NRG3: variants seen among roughly 807,000 people sequenced by gnomAD.
NRG3 encodes pro-neuregulin-3, membrane-bound isoform.
NRG3 carries 31 observed loss-of-function variants against 66.9 expected under a neutral mutation model. The observed-to-expected ratio is 0.46, with a 90% CI of 0.35 to 0.63. The LOEUF (loss-of-function observed/expected upper bound fraction) is 0.63. NRG3 is among the 20% of genes least tolerant of loss of function. The pLI is 0.00. For synonymous variants in NRG3, 393 were observed against 359.4 expected (o/e 1.09, Z -1.06); for missense variants, 910 against 878.9 (o/e 1.04, Z -0.45).
chr10:82,559,892 T>C (rs1187061732), intron 2 of NRG3, among the ~76,000 whole-genome samples: 1 of 152,146 alleles, frequency 6.6e-6, no homozygotes, highest in Non-Finnish European at 1.5e-5. Flanking sequence ...TCTTGAGGCC[T>C]AAATATAAAG....
chr10:82,709,713 C>T (rs541671562), intron 2 of NRG3, among the ~76,000 whole-genome samples: 6 of 152,248 alleles, frequency 3.9e-5, no homozygotes, highest in Non-Finnish European at 8.8e-5. Flanking sequence ...CCATGTCCCA[C>T]TAGTTGCAAG....
intron 4 of NRG3, among the ~76,000 whole-genome samples, chr10:82,938,520 C>G (rs1848293970): frequency 6.6e-6 from 1 of 152,256 alleles, no homozygotes; most frequent in Non-Finnish European, 1.5e-5. Context: ...GCCTGCGCAC[C>G]TATGCAAAGA....
chr10:82,700,498 C>A lies in NRG3; in HGVS notation c.954-38079C>A, dbSNP rs80046859. Among the ~76,000 whole-genome samples the A allele has an allele frequency of 2.0e-5, 3 of 152,206 alleles. No individual in the cohort carries two copies. In the South Asian group the frequency reaches 6.2e-4, roughly 32 times the overall value. On this transcript the variant is annotated intron_variant, in intron 2 of 8. Transcript: ENST00000372141. ...TTCAAAATGAAGAAAAGAATTGCAG[C>A]TAGGTTTTGACAGAGCCTGTTGAGA...
intron 1 of NRG3, among the ~76,000 whole-genome samples, chr10:81,936,463 C>A (rs777388319): frequency 3.9e-5 from 6 of 151,930 alleles, no homozygotes; most frequent in Non-Finnish European, 7.4e-5. Flanking sequence ...TGACTGTATT[C>A]TGATAACTGT....
chr10:82,521,572 C>T (rs1258777405), intron 2 of NRG3, among the ~76,000 whole-genome samples: 2 of 152,108 alleles, frequency 1.3e-5, no homozygotes, highest in Non-Finnish European at 2.9e-5. Context: ...AATCTCCTGA[C>T]CTCGTGATCC....
chr10:82,213,359 A>G (rs2075498977), intron 1 of NRG3, among the ~76,000 whole-genome samples: 1 of 152,216 alleles, frequency 6.6e-6, no homozygotes, highest in Admixed American at 6.5e-5. Context: ...ATCTGACCTC[A>G]TAGTCAAAAC....
At chr10:82,032,723 G>A (rs10736172) in intron 1 of NRG3, among the ~76,000 whole-genome samples, 1 of 151,878 alleles carries the variant, frequency 6.6e-6, no homozygotes, top group African/African-American at 2.4e-5. Context: ...CACATTGTGC[G>A]TTAACTTTGA....
chr10:82,218,109 G>A (rs1165301828), intron 1 of NRG3, among the ~76,000 whole-genome samples: 2 of 152,010 alleles, frequency 1.3e-5, no homozygotes, highest in African/African-American at 4.8e-5. Flanking sequence ...TGAATGAGTC[G>A]ATCCTGTGTT....
chr10:81,900,800 A>G (rs1285217208), intron 1 of NRG3, among the ~76,000 whole-genome samples: 1 of 152,208 alleles, frequency 6.6e-6, no homozygotes, highest in Non-Finnish European at 1.5e-5. Flanking sequence ...TATTCAGGGC[A>G]TTTGTTATTA....
At chr10:82,164,071 C>A (rs1248899889) in intron 1 of NRG3, among the ~76,000 whole-genome samples, 3 of 151,908 alleles carry the variant, frequency 2.0e-5, no homozygotes, top group South Asian at 2.1e-4. Context: ...CAGGCATGCA[C>A]CACCATGTCT....
At chr10:82,778,701 T>C (rs1446197590) in intron 3 of NRG3, among the ~76,000 whole-genome samples, 3 of 152,132 alleles carry the variant, frequency 2.0e-5, no homozygotes, top group Non-Finnish European at 2.9e-5. Context: ...AAGTATGGCT[T>C]CTTGGCTGGG....
chr10:82,021,822 G>A (rs1415367558), intron 1 of NRG3, among the ~76,000 whole-genome samples: 1 of 110,382 alleles, frequency 9.1e-6, no homozygotes, highest in South Asian at 2.8e-4. Flanking sequence ...GTGTGTGTGT[G>A]TGTGTGTGTG....
chr10:82,492,293 T>C (rs1307089893), intron 2 of NRG3, among the ~76,000 whole-genome samples: 1 of 152,240 alleles, frequency 6.6e-6, no homozygotes, highest in East Asian at 1.9e-4. Flanking sequence ...CAAATGTTAA[T>C]TTAATTTTCT....
At chr10:82,698,245 T>C (rs1430861598) in intron 2 of NRG3, among the ~76,000 whole-genome samples, 1 of 152,094 alleles carries the variant, frequency 6.6e-6, no homozygotes, top group Non-Finnish European at 1.5e-5. Flanking sequence ...ATAAAGCCAG[T>C]TCAAACAGAT....
intron 2 of NRG3, among the ~76,000 whole-genome samples, chr10:82,591,304 T>A (rs923274695): frequency 3.3e-5 from 5 of 152,206 alleles, no homozygotes; most frequent in African/African-American, 9.7e-5. Flanking sequence ...CCCAAATTGA[T>A]ATTTTCATGA....
chr10:82,038,260 T>A (rs972322858), intron 1 of NRG3, among the ~76,000 whole-genome samples: 2 of 152,160 alleles, frequency 1.3e-5, no homozygotes, highest in African/African-American at 4.8e-5. Flanking sequence ...TTTCTTCAAA[T>A]CACTTTTTCC....
intron 1 of NRG3, among the ~76,000 whole-genome samples, chr10:81,910,262 T>A (rs1434271998): frequency 6.6e-6 from 1 of 152,146 alleles, no homozygotes; most frequent in Non-Finnish European, 1.5e-5. Flanking sequence ...TTCTCAGCTC[T>A]AGCTTGCAGA....
At chr10:82,931,282 A>T (rs766060491) in intron 4 of NRG3, among the ~76,000 whole-genome samples, 1 of 152,218 alleles carries the variant, frequency 6.6e-6, no homozygotes, top group Non-Finnish European at 1.5e-5. Context: ...TATTGATAAA[A>T]TAAATTTATT....
chr10:82,188,824 T>C (rs1401908541), intron 1 of NRG3, among the ~76,000 whole-genome samples: 14 of 152,036 alleles, frequency 9.2e-5, no homozygotes, highest in Admixed American at 7.9e-4. Context: ...GGTTAATGGG[T>C]ACCAAAGCAA....
Sources: gnomAD v4.1 joint callset for allele counts (sites outside exome capture counted in the v4.1 genomes callset) on GRCh38, gnomAD v4.1.1 for gene constraint, MANE v1.5 for transcripts, NCBI Gene and HGNC (gene_info 2026-07-23, HGNC 2026-07-21) for gene names.